DNAH14: variants seen among roughly 807,000 people sequenced by gnomAD.
DNAH14 encodes the protein axonemal beta dynein heavy chain 14.
A neutral mutation model predicts 520.9 loss-of-function variants in DNAH14; 478 were observed. The observed-to-expected ratio is 0.92, with a 90% CI of 0.85 to 0.99. The LOEUF (loss-of-function observed/expected upper bound fraction) is 0.99, where lower values mean the gene tolerates loss of function less well. Ranked by LOEUF, DNAH14 falls within the 50% of genes least tolerant of loss-of-function variation. DNAH14 has a pLI of 0.00. For synonymous variants in DNAH14, 1,581 were observed against 1,757.2 expected, an observed-to-expected ratio of 0.90 and a Z score of 2.51; for missense variants, 4,831 against 5,234.5, an observed-to-expected ratio of 0.92 and a Z score of 2.38.
chr1:224,963,608 C>T (rs993264041), intron 4 of DNAH14, among the ~76,000 whole-genome samples: 6 of 152,026 alleles, frequency 3.9e-5, no homozygotes, highest in African/African-American at 9.7e-5. Flanking sequence ...TGCTTTTCTA[C>T]GTCAATACCA....
intron 10 of DNAH14, among the ~76,000 whole-genome samples, chr1:225,011,908 T>G (rs893722505): frequency 2.0e-5 from 3 of 152,124 alleles, no homozygotes; most frequent in Admixed American, 6.5e-5. Flanking sequence ...TTATCTGATT[T>G]GCCAGTCTGT....
chr1:225,350,442 G>GA (rs1558489336), intron 71 of DNAH14, among the ~76,000 whole-genome samples: 1 of 150,834 alleles, frequency 6.6e-6, no homozygotes, highest in Non-Finnish European at 1.5e-5. Context: ...ATAGAGAATA[G>GA]AAAAAAAATA....
chr1:225,202,182 G>A (rs566558465), intron 38 of DNAH14, among the ~76,000 whole-genome samples: 6 of 152,234 alleles, frequency 3.9e-5, no homozygotes, highest in Admixed American at 3.3e-4. Flanking sequence ...GGCCCAGGAG[G>A]TGGCACTTTC....
At chr1:225,020,366 ATG>A (rs1398528748) in intron 10 of DNAH14, among the ~76,000 whole-genome samples, 3 of 151,634 alleles carry the variant, frequency 2.0e-5, no homozygotes, top group Non-Finnish European at 4.4e-5. Context: ...GTGTGGTGGC[ATG>A]TGTCTGTAGT....
At position 225,393,814 on chromosome 1, in the gene DNAH14, G is replaced by GTTTT. The variant is rs1354333069; in HGVS notation, c.13491+1370_13491+1373dup. On this transcript the variant is annotated intron_variant, in intron 84 of 85. Coordinates refer to ENST00000682510, the MANE Select transcript of DNAH14 (RefSeq NM_001367479.1). ...GACGTGCAGTGATATATCTTTTTTTGTTTTTTTTTTGTTTTTTTTTTTGAG... is the reference window on the plus strand; with the variant it reads ...GACGTGCAGTGATATATCTTTTTTTGTTTTTTTTTTTTTTGTTTTTTTTTTTGAG... Among the ~76,000 whole-genome samples the GTTTT allele has an allele frequency of 4.2e-5, 6 of 143,120 alleles. 1 individual carries two copies. The highest frequency in any genetic ancestry group is 2.0e-4 in the East Asian group (1 of 4,986). 93.9% of individuals were successfully genotyped at this position (143,120 alleles called of 152,430 possible).
intron 36 of DNAH14, among the ~76,000 whole-genome samples, chr1:225,173,949 A>T (rs1042388056): frequency 6.6e-6 from 1 of 152,236 alleles, no homozygotes; most frequent in African/African-American, 2.4e-5. Context: ...TGATGAGTTC[A>T]TGTCCTTTGT....
chr1:225,097,353 C>T, intron 22 of DNAH14, 114 bp downstream of exon 22: 2 of 993,918 alleles, frequency 2.0e-6, no homozygotes, highest in Non-Finnish European at 2.8e-6. Context: ...ATCCTACCTA[C>T]AGACATAGGG....
chr1:225,356,753 C>G (rs2095433831), intron 73 of DNAH14, among the ~76,000 whole-genome samples: 1 of 152,126 alleles, frequency 6.6e-6, no homozygotes, highest in African/African-American at 2.4e-5. Context: ...AAGACCTTCA[C>G]TTTTTCATTT....
intron 19 of DNAH14, among the ~76,000 whole-genome samples, chr1:225,081,131 GTTTAT>G (rs1326957479): frequency 1.3e-5 from 2 of 152,038 alleles, no homozygotes; most frequent in Non-Finnish European, 2.9e-5. Context: ...ATTTTTAGAG[GTTTAT>G]TTTATTTTAA....
intron 36 of DNAH14, among the ~76,000 whole-genome samples, chr1:225,169,898 C>G (rs2149215031): frequency 6.6e-6 from 1 of 152,240 alleles, no homozygotes; most frequent in South Asian, 2.1e-4. Context: ...AAAGGGAAGC[C>G]CATCAGACTA....
chr1:225,217,487 C>T (rs1271358095), intron 41 of DNAH14, among the ~76,000 whole-genome samples: 1 of 152,168 alleles, frequency 6.6e-6, no homozygotes, highest in Non-Finnish European at 1.5e-5. Flanking sequence ...TCAGCTATGC[C>T]CTGCCCCCAG....
At chr1:225,118,282 CT>C (rs1447571865) in intron 25 of DNAH14, 15 of 443,234 alleles carry the variant, frequency 3.4e-5, no homozygotes, top group Non-Finnish European at 2.0e-5. Flanking sequence ...GTTTCCTACT[CT>C]CTTTTTAGTG....
At chr1:225,150,153 T>G (rs1573518737) in intron 31 of DNAH14, among the ~76,000 whole-genome samples, 1 of 152,140 alleles carries the variant, frequency 6.6e-6, no homozygotes, top group East Asian at 1.9e-4. Flanking sequence ...CTATTGAGAT[T>G]ATCATTTTTT....
At chr1:224,945,901 C>T (rs1006363714) in intron 1 of DNAH14, among the ~76,000 whole-genome samples, 1 of 152,302 alleles carries the variant, frequency 6.6e-6, no homozygotes, top group South Asian at 2.1e-4. Flanking sequence ...TCTGCCCCTA[C>T]TGGGGCTGCC....
chr1:225,338,107 A>G lies in DNAH14; in HGVS notation c.10358A>G (p.Lys3453Arg). Residue 3453 changes from lysine to arginine, a missense_variant, in exon 68 of 86, where the codon AAG (lysine) becomes AGG (arginine). Transcript: ENST00000682510. ...CCAGGCTTAAAGGCAATTCTGAAAA[A>G]GGATATCTATCAGAAAAAAGGACAC... ...LAPGLKAILK[K>R]DIYQKKGHYF... The G allele has an allele frequency of 1.3e-6, 2 of 1,551,420 alleles. No individual in the cohort carries two copies. Among genetic ancestry groups the G allele is most frequent in the Non-Finnish European group, 1.7e-6 (2 of 1,146,878 alleles).
rs187598699 is a variant in DNAH14 at position 225,346,567 on chromosome 1, T to C, written c.11209T>C (p.Phe3737Leu). The C allele has an allele frequency of 1.3e-6, 2 of 1,551,094 alleles. No homozygotes were observed. Among genetic ancestry groups the C allele is most frequent in the East Asian group, 4.9e-5 (2 of 40,846 alleles). ...NGNLIQDDIG[F>L]LPEEEWNIFL... ...AAATCTAATACAGGATGACATTGGA[T>C]TCCTACCAGAAGAAGAATGGAACAT... The change falls in exon 71 of 86, where the codon TTC becomes CTC. Residue 3737 changes from phenylalanine to leucine, a missense_variant. Transcript: ENST00000682510.
At chr1:224,979,033 T>G (rs1443220779) in intron 8 of DNAH14, among the ~76,000 whole-genome samples, 3 of 152,132 alleles carry the variant, frequency 2.0e-5, no homozygotes, top group Non-Finnish European at 2.9e-5. Flanking sequence ...TACTAACACA[T>G]TGTGTACATT....
intron 10 of DNAH14, among the ~76,000 whole-genome samples, chr1:225,020,665 T>C (rs537374571): frequency 1.3e-5 from 2 of 152,150 alleles, no homozygotes; most frequent in South Asian, 2.1e-4. Flanking sequence ...AACAGACCAA[T>C]TGAATCAGTA....
intron 47 of DNAH14, 128 bp downstream of exon 47, chr1:225,264,389 CA>C: frequency 3.6e-6 from 3 of 834,676 alleles, no homozygotes; most frequent in Non-Finnish European, 5.5e-6. Context: ...TAAAAAGTCT[CA>C]AAAACTATCC....
Sources: gnomAD v4.1 joint callset for allele counts (sites outside exome capture counted in the v4.1 genomes callset) on GRCh38, gnomAD v4.1.1 for gene constraint, MANE v1.5 for transcripts, NCBI Gene and HGNC (gene_info 2026-07-23, HGNC 2026-07-21) for gene names.